RABGEF1: variants seen among roughly 807,000 people sequenced by gnomAD.
RABGEF1 encodes the protein rab5 GDP/GTP exchange factor.
Under a neutral mutation model 57.3 loss-of-function variants are expected in RABGEF1, and 26 were observed. The ratio of observed to expected loss-of-function variants is 0.45; its 90% CI spans 0.33 to 0.63. The LOEUF is 0.63. RABGEF1 is among the 20% of genes least tolerant of loss of function. RABGEF1 has a pLI of 0.02. For missense variants in RABGEF1, 464 were observed against 607.6 expected (o/e 0.76, Z 2.48); for synonymous variants, 185 against 210.7 (o/e 0.88, Z 1.06).
At chr7:66,659,376 C>T in the RABGEF1 span, among the ~76,000 whole-genome samples, 15 of 151,020 alleles carry the variant, frequency 9.9e-5, no homozygotes, top group Middle Eastern at 3.4e-3. Context: ...CGCTTGAACA[C>T]GGGAGGCGGA....
intron 3 of RABGEF1, 100 bp from the exon 4 acceptor site, chr7:66,783,575 A>G (rs1584075297): frequency 1.9e-6 from 2 of 1,072,868 alleles, no homozygotes; most frequent in Non-Finnish European, 2.5e-6. Context: ...TTTAACTTTG[A>G]TGAAACATAA....
At chr7:66,803,132 A>G (rs1212027600) in intron 7 of RABGEF1, among the ~76,000 whole-genome samples, 1 of 152,240 alleles carries the variant, frequency 6.6e-6, no homozygotes, top group African/African-American at 2.4e-5. Flanking sequence ...GGATTAAAGG[A>G]AGCAAACAAT....
the RABGEF1 span, among the ~76,000 whole-genome samples, chr7:66,658,431 G>A: frequency 6.6e-6 from 1 of 151,868 alleles, no homozygotes; most frequent in African/African-American, 2.4e-5. Flanking sequence ...AACTCAGGAG[G>A]CTGAGGCAGG....
At chr7:66,789,180 G>A (rs532918090) in intron 4 of RABGEF1, among the ~76,000 whole-genome samples, 2 of 152,204 alleles carry the variant, frequency 1.3e-5, no homozygotes, top group African/African-American at 2.4e-5. Flanking sequence ...GCCCTGCCAC[G>A]TAATTTACTG....
At chr7:66,785,432 C>T (rs1296512870) in intron 4 of RABGEF1, among the ~76,000 whole-genome samples, 1 of 152,164 alleles carries the variant, frequency 6.6e-6, no homozygotes, top group Non-Finnish European at 1.5e-5. Flanking sequence ...TAGAGAAGCC[C>T]TTTTGGCCTT....
chr7:66,665,366 A>G, the RABGEF1 span: 1 of 150,070 alleles, frequency 6.7e-6, no homozygotes, highest in Non-Finnish European at 1.5e-5. Flanking sequence ...CTGATTTCAA[A>G]CTCCTGTACT....
At chr7:66,691,315 T>C (rs992426300) in intron 1 of RABGEF1, among the ~76,000 whole-genome samples, 10 of 152,150 alleles carry the variant, frequency 6.6e-5, no homozygotes, top group Admixed American at 2.6e-4. Flanking sequence ...ACACAAAGAC[T>C]TGAACACAAG....
In RABGEF1 at chr7:66,691,888, T is replaced by C. The variant is rs896657607; in HGVS notation, c.-873+9630T>C. Among the ~76,000 whole-genome samples the C allele has an allele frequency of 3.3e-5, 5 of 151,482 alleles. No individual in the cohort carries two copies. In the South Asian group the frequency reaches 8.3e-4, roughly 25 times the overall value. ...GAGCAATGTAGCAAGATCCCATTTC[T>C]ACAAAATTAAAAAAAAAAATTAGTA... On this transcript the variant is annotated intron_variant and NMD_transcript_variant, in intron 1 of 9. Coordinates refer to the RABGEF1 transcript ENST00000607882.
chr7:66,679,273 C>T (rs1789524294), upstream of RABGEF1, among the ~76,000 whole-genome samples: 3 of 152,216 alleles, frequency 2.0e-5, no homozygotes, highest in Admixed American at 1.3e-4. Flanking sequence ...CACGAGGCCA[C>T]TCCTGTCTAT....
At chr7:66,707,945 G>A (rs1446816799) in intron 1 of RABGEF1, among the ~76,000 whole-genome samples, 1 of 151,760 alleles carries the variant, frequency 6.6e-6, no homozygotes, top group African/African-American at 2.4e-5. Context: ...CTCTCTTTTG[G>A]TTACTTTCTG....
chr7:66,809,213 G>C lies in RABGEF1; in HGVS notation c.1405G>C (p.Ala469Pro), dbSNP rs751775810. 27 of 1,613,862 alleles carry C rather than the reference G, an allele frequency of 1.7e-5. No individual in the cohort carries two copies. Among genetic ancestry groups the C allele is most frequent in the Non-Finnish European group, 2.3e-5 (27 of 1,179,920 alleles). The change falls in exon 9 of 9, where the codon GCT becomes CCT. Residue 469 changes from alanine (A) to proline (P), a missense_variant. Around this residue, in one of 4 missense-constraint regions of RABGEF1, gnomAD observed 151 missense variants for 152.2 expected, o/e 0.99. Transcript: ENST00000284957. ...EIKPPNQPLAAIDSENVENDK... is the reference protein window; with the variant it reads ...EIKPPNQPLAPIDSENVENDK... ...TAAGCCTCCGAATCAACCGTTAGCA[G>C]CTATTGACTCTGAAAACGTTGAAAA...
chr7:66,714,833 G>A (rs1380428271), intron 2 of RABGEF1, among the ~76,000 whole-genome samples: 1 of 152,190 alleles, frequency 6.6e-6, no homozygotes, highest in African/African-American at 2.4e-5. Flanking sequence ...TACTCGAGAG[G>A]CTGAGGCAGG....
chr7:66,664,865 C>T, the RABGEF1 span, among the ~76,000 whole-genome samples: 2 of 152,248 alleles, frequency 1.3e-5, no homozygotes, highest in African/African-American at 4.8e-5. Context: ...CGCCTGTCTA[C>T]TGCACGAGCA....
chr7:66,720,883 T>C (rs1795972329), intron 2 of RABGEF1, among the ~76,000 whole-genome samples: 1 of 152,250 alleles, frequency 6.6e-6, no homozygotes, highest in African/African-American at 2.4e-5. Context: ...GCTCAAACAA[T>C]GGGAACTGAA....
chr7:66,722,585 T>TTGCC (rs1301127941), intron 2 of RABGEF1, among the ~76,000 whole-genome samples: 6 of 152,206 alleles, frequency 3.9e-5, no homozygotes, highest in Non-Finnish European at 7.3e-5. Flanking sequence ...AAGAAAACCA[T>TTGCC]TGCCTAATTC....
At chr7:66,691,896 T>TA (rs78478057) in intron 1 of RABGEF1, among the ~76,000 whole-genome samples, 26 of 147,718 alleles carry the variant, frequency 1.8e-4, no homozygotes, top group South Asian at 4.3e-4. Context: ...TCTACAAAAT[T>TA]AAAAAAAAAA....
chr7:66,798,121 A>AGTT (rs1287436564), intron 6 of RABGEF1, among the ~76,000 whole-genome samples: 1 of 152,172 alleles, frequency 6.6e-6, no homozygotes, highest in East Asian at 1.9e-4. Flanking sequence ...CTTCTCAAAA[A>AGTT]AATAACAAGT....
upstream of RABGEF1, chr7:66,739,975 GTT>G (rs1798561110): frequency 6.6e-6 from 1 of 151,518 alleles, no homozygotes; most frequent in Non-Finnish European, 1.5e-5. Context: ...CTGGATGTCG[GTT>G]ATGTTTTTTT....
At chr7:66,808,048 C>T (rs999573987) in intron 8 of RABGEF1, 7 of 152,140 alleles carry the variant, frequency 4.6e-5, no homozygotes, top group African/African-American at 1.4e-4. Flanking sequence ...CTCGGAAGCA[C>T]GTGACATGTT....
Sources: allele counts gnomAD v4.1 joint callset (sites outside exome capture counted in the v4.1 genomes callset), GRCh38; gene constraint gnomAD v4.1.1; regional missense constraint gnomAD v4.1.1; transcripts MANE v1.5; gene names NCBI Gene and HGNC (gene_info 2026-07-23, HGNC 2026-07-21).